EHBP1: variants seen among roughly 807,000 people sequenced by gnomAD.
EHBP1 encodes the protein EH domain binding protein 1, also known as EH domain-binding protein 1.
Under a neutral mutation model 144.0 loss-of-function variants are expected in EHBP1, and 55 were observed. The ratio of observed to expected loss-of-function variants is 0.38; its 90% CI spans 0.31 to 0.48. The LOEUF (loss-of-function observed/expected upper bound fraction) is 0.48. Ranked by LOEUF, EHBP1 falls within the 20% of genes least tolerant of loss-of-function variation. The pLI is 0.98. For synonymous variants in EHBP1, 469 were observed against 472.7 expected (o/e 0.99, Z 0.10); for missense variants, 1,200 against 1,364.2 (o/e 0.88, Z 1.90).
In EHBP1 at chr2:62,948,985, T is replaced by C. The variant is rs767208983; in HGVS notation, c.2139T>C (p.Asp713=). 2.5e-6 allele frequency: 4 copies of C among 1,613,940 alleles called. No individual in the cohort carries two copies. The South Asian group carries it at 3.3e-5, about 13-fold the overall frequency. The change falls in exon 13 of 23, where the codon GAT becomes GAC. Residue 713 remains aspartate, a synonymous_variant. Coordinates refer to ENST00000431489, the MANE Select transcript of EHBP1 (RefSeq NM_001142616.3). ...ENSRSLECRS[D]PESPIKKTSL... The stretch of plus-strand genomic sequence containing the variant: ...CCAGATCCTTAGAATGCAGATCAGA[T>C]CCAGAATCTCCTATCAAAAAAACAA...
intron 19 of EHBP1, among the ~76,000 whole-genome samples, chr2:63,030,826 C>T (rs1201411703): frequency 1.8e-4 from 21 of 116,144 alleles, no homozygotes; most frequent in South Asian, 5.6e-4. Flanking sequence ...GATGGAGTTT[C>T]GCTCTGTCGT....
At chr2:62,830,195 C>CACACACACACAT (rs1400040654) in intron 6 of EHBP1, among the ~76,000 whole-genome samples, 10 of 116,258 alleles carry the variant, frequency 8.6e-5, no homozygotes, top group Admixed American at 1.8e-4. Context: ...CACACACACA[C>CACACACACACAT]ATATATATAC....
At chr2:62,999,035 A>G (rs1319804093) in intron 19 of EHBP1, among the ~76,000 whole-genome samples, 1 of 151,972 alleles carries the variant, frequency 6.6e-6, no homozygotes, top group Non-Finnish European at 1.5e-5. Flanking sequence ...TTTTTTTGGT[A>G]TGTTAGACAT....
intron 6 of EHBP1, among the ~76,000 whole-genome samples, chr2:62,829,649 ATAC>A (rs1297118408): frequency 6.8e-6 from 1 of 146,866 alleles, no homozygotes; most frequent in Non-Finnish European, 1.5e-5. Context: ...ACTACTATAT[ATAC>A]TACTATATAT....
At chr2:62,807,274 G>A (rs1156240159) in intron 5 of EHBP1, among the ~76,000 whole-genome samples, 6 of 152,198 alleles carry the variant, frequency 3.9e-5, no homozygotes, top group South Asian at 2.1e-4. Flanking sequence ...ATGGCTGGGC[G>A]TGGTGGCTTA....
intron 2 of EHBP1, among the ~76,000 whole-genome samples, chr2:62,732,228 G>T (rs992874218): frequency 1.1e-4 from 16 of 152,132 alleles, no homozygotes; most frequent in Admixed American, 6.5e-4. Flanking sequence ...TATCTATCCT[G>T]CTTAGTGTTC....
intron 8 of EHBP1, 50 bp from the exon 9 acceptor site, chr2:62,864,681 A>C (rs552879469): frequency 6.5e-7 from 1 of 1,531,724 alleles, no homozygotes; most frequent in African/African-American, 1.4e-5. Flanking sequence ...AATATTAGAA[A>C]ATATCATATG....
At chr2:62,862,914 TAAAA>T (rs200238261) in intron 8 of EHBP1, among the ~76,000 whole-genome samples, 21 of 148,170 alleles carry the variant, frequency 1.4e-4, no homozygotes, top group Non-Finnish European at 2.7e-4. Flanking sequence ...CTAACAAACA[TAAAA>T]AAAAAAGCCT....
intron 10 of EHBP1, among the ~76,000 whole-genome samples, chr2:62,882,646 G>C (rs962344584): frequency 1.3e-5 from 2 of 152,196 alleles, no homozygotes; most frequent in African/African-American, 4.8e-5. Context: ...ACTTTGGGAG[G>C]CCGAGGCAGG....
chr2:62,747,973 T>C (rs1054108512), intron 3 of EHBP1, among the ~76,000 whole-genome samples: 3 of 152,048 alleles, frequency 2.0e-5, no homozygotes, highest in African/African-American at 7.2e-5. Context: ...ATCTTGAACT[T>C]CTAGCCCTTA....
chr2:62,908,418 A>T (rs567303219), intron 10 of EHBP1, among the ~76,000 whole-genome samples: 3 of 151,408 alleles, frequency 2.0e-5, no homozygotes, highest in Admixed American at 2.0e-4. Flanking sequence ...CGTTCCATTG[A>T]TTTTTTTTCT....
Position 62,990,717 on chromosome 2 carries a change from A to G in EHBP1, c.2610A>G (p.Glu870=). Residue 870 remains glutamate, a splice_region_variant and synonymous_variant, in exon 16 of 23, where the codon GAA becomes GAG. Coordinates refer to ENST00000431489, the MANE Select transcript of EHBP1 (RefSeq NM_001142616.3). The part of the protein sequence containing the change: ...KLKERSKASG[E]QNSKLVDLKL... ...TCATGGTATTTGCATATTTAACAGA[A>G]CAAAACAGTAAGTTGGTGGACTTGA... 6.2e-7 allele frequency: 1 copy of G among 1,613,764 alleles called. No individual in the cohort carries two copies. Among genetic ancestry groups the G allele is most frequent in the East Asian group, 2.2e-5 (1 of 44,832 alleles).
At chr2:62,761,217 T>C (rs148877597) in intron 3 of EHBP1, among the ~76,000 whole-genome samples, 4 of 152,252 alleles carry the variant, frequency 2.6e-5, no homozygotes, top group Non-Finnish European at 4.4e-5. Context: ...GTTTTAGGGC[T>C]GTCAACAGAC....
At chr2:62,885,392 A>AT (rs2051838404) in intron 10 of EHBP1, among the ~76,000 whole-genome samples, 1 of 152,192 alleles carries the variant, frequency 6.6e-6, no homozygotes, top group South Asian at 2.1e-4. Flanking sequence ...AAACCACAAT[A>AT]TTTTTAAAAA....
chr2:62,756,640 A>G (rs1030959595), intron 3 of EHBP1, among the ~76,000 whole-genome samples: 1 of 152,066 alleles, frequency 6.6e-6, no homozygotes, highest in African/African-American at 2.4e-5. Flanking sequence ...GTGGTGGCAC[A>G]TGCTTGTAAT....
intron 5 of EHBP1, among the ~76,000 whole-genome samples, chr2:62,808,764 G>A (rs2044709794): frequency 6.6e-6 from 1 of 152,204 alleles, no homozygotes. Flanking sequence ...GTAAGGTGTG[G>A]AGGAGGGAAG....
chr2:62,742,841 G>C (rs146413843), intron 2 of EHBP1, among the ~76,000 whole-genome samples: 3 of 151,988 alleles, frequency 2.0e-5, no homozygotes, highest in African/African-American at 7.2e-5. Flanking sequence ...ATTTAATTCT[G>C]TCTGTTCATA....
chr2:63,024,601 CAAA>C (rs35534053), intron 19 of EHBP1, among the ~76,000 whole-genome samples: 146 of 107,460 alleles, frequency 1.4e-3, no homozygotes, highest in Middle Eastern at 5.3e-3. Context: ...GACCCTGTCT[CAAA>C]AAAAAAAAAA....
chr2:62,745,507 GT>G (rs971001546), intron 2 of EHBP1, among the ~76,000 whole-genome samples: 14 of 151,988 alleles, frequency 9.2e-5, no homozygotes, highest in Non-Finnish European at 1.8e-4. Context: ...TTGTGTGTGT[GT>G]TTTTTTAAAC....
Sources: allele counts gnomAD v4.1 joint callset (sites outside exome capture counted in the v4.1 genomes callset), GRCh38; gene constraint gnomAD v4.1.1; transcripts MANE v1.5; gene names NCBI Gene and HGNC (gene_info 2026-07-23, HGNC 2026-07-21).